The following PRKCE variants were observed in gnomAD, a reference collection of about 807,000 sequenced individuals.
PRKCE encodes the protein protein kinase C epsilon type.
A neutral mutation model predicts 85.4 loss-of-function variants in PRKCE; 16 were observed. That is an observed-to-expected ratio of 0.19 (90% CI 0.13 to 0.28). The LOEUF (loss-of-function observed/expected upper bound fraction) is 0.28, where lower values mean the gene tolerates loss of function less well. Ranked by LOEUF, PRKCE falls within the 10% of genes least tolerant of loss-of-function variation. The probability of loss-of-function intolerance (pLI) is 1.00; values close to 1 mark genes in which losing one functional copy is unlikely to be tolerated. For synonymous variants in PRKCE, 388 were observed against 371.5 expected (o/e 1.04, Z -0.51); for missense variants, 573 against 975.2 (o/e 0.59, Z 5.49).
intron 2 of PRKCE, among the ~76,000 whole-genome samples, chr2:45,920,073 A>T (rs574430298): frequency 6.6e-6 from 1 of 152,194 alleles, no homozygotes; most frequent in Non-Finnish European, 1.5e-5. Context: ...GCCGGTTCAG[A>T]CACACCCATC....
chr2:46,170,438 C>T (rs534157149), intron 14 of PRKCE, among the ~76,000 whole-genome samples: 1 of 152,272 alleles, frequency 6.6e-6, no homozygotes, highest in African/African-American at 2.4e-5. Flanking sequence ...GTTCATCACC[C>T]AGCGTCAACA....
At chr2:46,173,972 T>C (rs1679170699) in intron 14 of PRKCE, among the ~76,000 whole-genome samples, 1 of 152,236 alleles carries the variant, frequency 6.6e-6, no homozygotes, top group African/African-American at 2.4e-5. Flanking sequence ...AGATGGGAAA[T>C]AGTTGAATTC....
At chr2:46,050,387 T>A (rs1474555144) in intron 10 of PRKCE, among the ~76,000 whole-genome samples, 1 of 152,216 alleles carries the variant, frequency 6.6e-6, no homozygotes, top group South Asian at 2.1e-4. Flanking sequence ...TAGGCTCCAG[T>A]GTTCCGCTCG....
chr2:46,053,851 C>G (rs998876443), intron 10 of PRKCE, among the ~76,000 whole-genome samples: 1 of 152,134 alleles, frequency 6.6e-6, no homozygotes. Context: ...TCTTCAAGAC[C>G]CTGTTTTCAA....
chr2:45,715,411 T>C (rs1023732353), intron 1 of PRKCE, among the ~76,000 whole-genome samples: 3 of 152,248 alleles, frequency 2.0e-5, no homozygotes, highest in African/African-American at 4.8e-5. Context: ...TTTTGCAGTC[T>C]CAGGGAACTC....
rs919887466 is a variant in PRKCE at position 46,068,021 on chromosome 2, C to T, written c.1438-18187C>T. Among the ~76,000 whole-genome samples the T allele has an allele frequency of 1.3e-5, 2 of 152,122 alleles. No homozygotes were observed. Among genetic ancestry groups the T allele is most frequent in the South Asian group, 2.1e-4 (1 of 4,818 alleles). On this transcript the variant is annotated intron_variant, in intron 10 of 14. Transcript: ENST00000306156. This position sits in a 1 kb window ranked among gnomAD's most constrained non-coding sequence, Gnocchi z 4.3. Reference sequence around the variant, plus strand: ...CCTTACTGGCTTACTGATTATATCACTCGCGAAGGGATTAGTCAGAAGGCA... The same window carrying T: ...CCTTACTGGCTTACTGATTATATCATTCGCGAAGGGATTAGTCAGAAGGCA...
At chr2:46,173,307 C>T (rs901846328) in intron 14 of PRKCE, among the ~76,000 whole-genome samples, 3 of 152,204 alleles carry the variant, frequency 2.0e-5, no homozygotes, top group African/African-American at 7.2e-5. Flanking sequence ...AGTGGCAGAG[C>T]GGAGTGGTTA....
At chr2:46,000,470 C>A (rs1310430492) in intron 6 of PRKCE, among the ~76,000 whole-genome samples, 1 of 146,814 alleles carries the variant, frequency 6.8e-6, no homozygotes, top group African/African-American at 2.5e-5. Flanking sequence ...AAAAAAAAAA[C>A]AACCCTCAAC....
chr2:45,929,935 C>G (rs947607589), intron 2 of PRKCE, among the ~76,000 whole-genome samples: 13 of 152,176 alleles, frequency 8.5e-5, no homozygotes, highest in African/African-American at 2.9e-4. Flanking sequence ...TCTCTAATGC[C>G]CAGCATAGTG....
chr2:45,823,855 C>T (rs1479114753), intron 1 of PRKCE, among the ~76,000 whole-genome samples: 1 of 152,270 alleles, frequency 6.6e-6, no homozygotes, highest in East Asian at 1.9e-4. Context: ...TGGGTCTGTT[C>T]CGTGCTGGCA....
intron 1 of PRKCE, among the ~76,000 whole-genome samples, chr2:45,771,011 A>G (rs1685283905): frequency 1.3e-5 from 2 of 152,148 alleles, no homozygotes; most frequent in African/African-American, 4.8e-5. Context: ...AAGCTGCTGT[A>G]GTGTTCCCTC....
rs144641626 is a variant in PRKCE, at chr2:46,028,593, T to C, written c.1437+18076T>C. Among the ~76,000 whole-genome samples, 74 of 152,376 alleles carry C rather than the reference T, an allele frequency of 4.9e-4. 1 individual carries two copies. The East Asian group carries it at 7.3e-3, about 15-fold the overall frequency. On this transcript the variant is annotated intron_variant, in intron 10 of 14. Coordinates refer to ENST00000306156, the MANE Select transcript of PRKCE (RefSeq NM_005400.3). ...GGTTGAAAATAACAGCTTTCCTTGC[T>C]GCCATCACATACGTAAATGTAACTA...
At chr2:45,772,073 C>T (rs181577119) in intron 1 of PRKCE, among the ~76,000 whole-genome samples, 39 of 152,186 alleles carry the variant, frequency 2.6e-4, no homozygotes, top group Non-Finnish European at 3.7e-4. Context: ...CAAGGGAAAC[C>T]GAGGTCAGAG....
At chr2:45,908,817 C>A (rs1057333923) in intron 2 of PRKCE, among the ~76,000 whole-genome samples, 2 of 152,154 alleles carry the variant, frequency 1.3e-5, no homozygotes, top group African/African-American at 4.8e-5. Flanking sequence ...GAAGGATTAT[C>A]CTCCAGGGTG....
intron 11 of PRKCE, among the ~76,000 whole-genome samples, chr2:46,109,458 G>A (rs1672051792): frequency 1.3e-5 from 2 of 151,834 alleles, no homozygotes; most frequent in Non-Finnish European, 2.9e-5. Context: ...TAATTTTTTT[G>A]TGTGCTACTG....
intron 1 of PRKCE, among the ~76,000 whole-genome samples, chr2:45,674,189 C>A (rs1013261037): frequency 2.0e-5 from 3 of 152,168 alleles, no homozygotes; most frequent in Non-Finnish European, 4.4e-5. Flanking sequence ...GTTTTGTGCA[C>A]GCTCCTTCCA....
At chr2:45,832,313 C>CA (rs1690493519) in intron 1 of PRKCE, among the ~76,000 whole-genome samples, 1 of 137,964 alleles carries the variant, frequency 7.2e-6, no homozygotes, top group African/African-American at 2.7e-5. Flanking sequence ...CAAGGAGCAA[C>CA]TTTTTTTTTT....
At chr2:45,674,213 C>G (rs921190157) in intron 1 of PRKCE, among the ~76,000 whole-genome samples, 2 of 152,212 alleles carry the variant, frequency 1.3e-5, no homozygotes, top group Non-Finnish European at 2.9e-5. Context: ...CTGAGCCCCT[C>G]CAAGCCTGGG....
chr2:45,824,494 C>A (rs1689788653), intron 1 of PRKCE, among the ~76,000 whole-genome samples: 1 of 152,108 alleles, frequency 6.6e-6, no homozygotes, highest in Admixed American at 6.5e-5. Context: ...CTCCCTTCCC[C>A]AATTGAGCTC....
Sources: gnomAD v4.1 joint callset for allele counts (sites outside exome capture counted in the v4.1 genomes callset) on GRCh38, gnomAD v4.1.1 for gene constraint, Gnocchi (gnomAD v3.1) non-coding constraint, MANE v1.5 for transcripts, NCBI Gene and HGNC (gene_info 2026-07-23, HGNC 2026-07-21) for gene names.